TRPM5: variants seen among roughly 807,000 people sequenced by gnomAD.
The protein encoded by TRPM5 is transient receptor potential cation channel subfamily M member 5, also known as MLSN1 and TRP-related.
TRPM5 carries 121 observed loss-of-function variants against 124.9 expected under a neutral mutation model. The observed-to-expected ratio is 0.97, with a 90% confidence interval of 0.84 to 1.13. The LOEUF is 1.13. Ranked by LOEUF, TRPM5 falls within the 50% of genes most tolerant of loss-of-function variation. The pLI, the probability that TRPM5 is intolerant of heterozygous loss-of-function variation, is 0.00. For missense variants in TRPM5, 1,643 were observed against 1,589.1 expected, an observed-to-expected ratio of 1.03 and a Z score of -0.58; for synonymous variants, 781 against 700.5, an observed-to-expected ratio of 1.11 and a Z score of -1.81.
intron 15 of TRPM5, 85 bp from the exon 21 acceptor site, chr11:2,412,338 A>AGGATCAGGGTGCAGCGTGCCATGG: frequency 9.8e-7 from 1 of 1,018,566 alleles, no homozygotes; most frequent in South Asian, 1.3e-5. Flanking sequence ...TGGATCTGTA[A>AGGATCAGGGTGCAGCGTGCCATGG]GGATCAGGGT....
exon 9 of TRPM5, chr11:2,415,393 C>T (rs773031742): frequency 5.7e-6 from 9 of 1,592,256 alleles, no homozygotes; most frequent in South Asian, 2.2e-5. Context: ...ACGTCTGCGC[C>T]GTTGTCCACA....
chr11:2,405,957 C>G lies in TRPM5; in HGVS notation c.3324+62G>C, dbSNP rs1350149286. On this transcript the variant is annotated intron_variant, in intron 22 of 23. Coordinates refer to ENST00000155858, the Ensembl canonical transcript of TRPM5. The stretch of plus-strand genomic sequence containing the variant: ...TGACCGGGCAGGGCTGTGGACCCAT[C>G]CCAGTAGCCCCACGCAGCCACCCGC... 2.8e-6 allele frequency: 4 copies of G among 1,446,508 alleles called. No homozygotes were observed. The East Asian group carries it at 9.1e-5, about 33-fold the overall frequency. The allele number at this position is 1,446,508 out of a possible 1,614,324, so 89.6% of individuals were successfully genotyped here.
chr11:2,407,948 G>T, intron 18 of TRPM5, 36 bp from the exon 24 acceptor site: 1 of 1,606,670 alleles, frequency 6.2e-7, no homozygotes, highest in Non-Finnish European at 8.5e-7. Flanking sequence ...CCAGACCGGG[G>T]GCAGCCACAA....
exon 19 of TRPM5, chr11:2,407,862 A>C: frequency 6.2e-7 from 1 of 1,613,992 alleles, no homozygotes; most frequent in Non-Finnish European, 8.5e-7. Context: ...CTGGGGCAGG[A>C]TGGTGAGTCC....
At chr11:2,444,316 C>T in the TRPM5 span, among the ~76,000 whole-genome samples, 2 of 151,974 alleles carry the variant, frequency 1.3e-5, no homozygotes, top group Admixed American at 6.5e-5. Flanking sequence ...CCTTTCCTCC[C>T]CCCAACCCCA....
chr11:2,443,056 T>A, the TRPM5 span, among the ~76,000 whole-genome samples: 1 of 152,246 alleles, frequency 6.6e-6, no homozygotes, highest in South Asian at 2.1e-4. This position sits in a 1 kb window ranked among gnomAD's most constrained non-coding sequence, Gnocchi z 5.0. Context: ...TTTTCTTATT[T>A]TATCTGTTGC....
chr11:2,407,146 C>CACCCAGGTGCTCCCG (rs780678941), exon 20 of TRPM5: 1 of 1,607,834 alleles, frequency 6.2e-7, no homozygotes, highest in Admixed American at 1.7e-5. Flanking sequence ...TGCTCAGCCT[C>CACCCAGGTGCTCCCG]CTTCTTGAAG....
At chr11:2,423,024 G>C in exon 1 of TRPM5, 2 of 1,611,720 alleles carry the variant, frequency 1.2e-6, no homozygotes, top group Non-Finnish European at 1.7e-6. Context: ...CGGGGGCCTT[G>C]GACATCCTGC....
At chr11:2,425,362 C>T (rs1413916107), upstream of TRPM5, among the ~76,000 whole-genome samples, 7 of 152,170 alleles carry the variant, frequency 4.6e-5, no homozygotes, top group African/African-American at 1.4e-4. Flanking sequence ...GCTGTGGCCG[C>T]GTGGCTCCAG....
At chr11:2,438,672 A>T in the TRPM5 span, among the ~76,000 whole-genome samples, 1 of 152,168 alleles carries the variant, frequency 6.6e-6, no homozygotes, top group Non-Finnish European at 1.5e-5. This position sits in a 1 kb window ranked among gnomAD's most constrained non-coding sequence, Gnocchi z 5.9. Flanking sequence ...GTCTTAAAAA[A>T]AAATTACAGA....
At chr11:2,418,047 G>T in intron 6 of TRPM5, 120 bp downstream of exon 11, 1 of 1,053,006 alleles carries the variant, frequency 9.5e-7, no homozygotes, top group Non-Finnish European at 1.4e-6. Flanking sequence ...AGTGGGTGGG[G>T]GGCCCAGCAG....
the TRPM5 span, among the ~76,000 whole-genome samples, chr11:2,431,861 T>G: frequency 6.6e-6 from 1 of 152,224 alleles, no homozygotes; most frequent in Non-Finnish European, 1.5e-5. Context: ...ACTTTTTTGC[T>G]TGTCTGTGTC....
Position 2,411,962 on chromosome 11 carries a change from C to T in TRPM5, c.2474+173G>A, listed in dbSNP as rs548643235. ...TGTCACTCAGGCTGGAGTGCAGTGGCATGATCACGGCTTGCTGCTGCCTCA... is the reference window on the plus strand; with the variant it reads ...TGTCACTCAGGCTGGAGTGCAGTGGTATGATCACGGCTTGCTGCTGCCTCA... On this transcript the variant is annotated intron_variant, in intron 16 of 23. Transcript: ENST00000155858. 2.0e-5 allele frequency among the ~76,000 whole-genome samples: 3 copies of T among 152,274 alleles called. No individual in the cohort carries two copies. The South Asian group carries it at 6.2e-4, about 32-fold the overall frequency.
chr11:2,404,721 C>G (rs1361679143), exon 24 of TRPM5: 13 of 544,000 alleles, frequency 2.4e-5, no homozygotes, highest in Non-Finnish European at 3.9e-5. Context: ...TCAGGGGAGA[C>G]AGCCCCATGA....
chr11:2,414,009 G>GGGGGCGCCCCCCCCCCCCCCC, intron 12 of TRPM5, 52 bp downstream of exon 17: 12 of 1,023,734 alleles, frequency 1.2e-5, no homozygotes, highest in Non-Finnish European at 1.6e-5. Flanking sequence ...GGCCCAGCTC[G>GGGGGCGCCCCCCCCCCCCCCC]CCCGCCCACC....
exon 20 of TRPM5, chr11:2,407,245 A>G: frequency 6.2e-7 from 1 of 1,612,454 alleles, no homozygotes; most frequent in Non-Finnish European, 8.5e-7. Flanking sequence ...ATCAGGTTGT[A>G]GCGCTGGAAC....
chr11:2,414,743 G>C lies in TRPM5; in HGVS notation c.1716C>G (p.Arg572=), dbSNP rs778261607. Reference sequence around the variant, plus strand: ...GGGCCAGCCGCTCGTATTTCGCCTCGCGCGTGGCTCGGGCCGCCTCGGCCT... The same window carrying C: ...GGGCCAGCCGCTCGTATTTCGCCTCCCGCGTGGCTCGGGCCGCCTCGGCCT... The change falls in exon 11 of 24, where the codon CGC becomes CGG. Residue 572 remains arginine (R), a synonymous_variant. Coordinates refer to ENST00000155858, the Ensembl canonical transcript of TRPM5. 3.7e-5 allele frequency: 57 copies of C among 1,545,748 alleles called. No homozygotes were observed. In the African/African-American group the frequency reaches 7.1e-4, roughly 19 times the overall value.
chr11:2,404,659 T>G (rs1850276253), exon 24 of TRPM5: 1 of 488,166 alleles, frequency 2.0e-6, no homozygotes, highest in Non-Finnish European at 3.7e-6. Flanking sequence ...GCTGGTCAGT[T>G]TCCAGGTAGG....
chr11:2,406,775 G>A (rs1174613237), exon 21 of TRPM5: 18 of 1,612,276 alleles, frequency 1.1e-5, no homozygotes, highest in Admixed American at 5.0e-5. Context: ...CTGGTCCAGG[G>A]GGTCTGGCAG....
Sources: gnomAD v4.1 joint callset for allele counts (sites outside exome capture counted in the v4.1 genomes callset) on GRCh38, gnomAD v4.1.1 for gene constraint, Gnocchi (gnomAD v3.1) non-coding constraint, MANE v1.5 for transcripts, NCBI Gene and HGNC (gene_info 2026-07-23, HGNC 2026-07-21) for gene names.